Variants in CDC42EP4 observed in about 807,000 individuals in gnomAD.
CDC42EP4 encodes CDC42 effector protein 4.
A neutral mutation model predicts 5.6 loss-of-function variants in CDC42EP4; 6 were observed. That is an observed-to-expected ratio of 1.07 (90% CI 0.59 to 2.12). The LOEUF (loss-of-function observed/expected upper bound fraction) is 2.12, where lower values mean the gene tolerates loss of function less well. Ranked by LOEUF, CDC42EP4 falls within the 30% of genes most tolerant of loss-of-function variation. The probability of loss-of-function intolerance (pLI) is 0.00; values close to 1 mark genes in which losing one functional copy is unlikely to be tolerated. For missense variants in CDC42EP4, 490 were observed against 508.6 expected (o/e 0.96, Z 0.35); for synonymous variants, 230 against 224.2 (o/e 1.03, Z -0.23).
chr17:73,308,553 C>T (rs968957375), intron 1 of CDC42EP4, among the ~76,000 whole-genome samples: 1 of 152,212 alleles, frequency 6.6e-6, no homozygotes, highest in African/African-American at 2.4e-5. Flanking sequence ...TCACTTCGAA[C>T]CCAATCCAAA....
At chr17:73,294,981 G>C (rs977349073) in intron 1 of CDC42EP4, among the ~76,000 whole-genome samples, 1 of 143,010 alleles carries the variant, frequency 7.0e-6, no homozygotes, top group African/African-American at 2.5e-5. Flanking sequence ...GCTAATTTTT[G>C]TATTTTTTTT....
intron 1 of CDC42EP4, among the ~76,000 whole-genome samples, chr17:73,305,698 G>A (rs907065557): frequency 6.6e-6 from 1 of 151,790 alleles, no homozygotes; most frequent in Non-Finnish European, 1.5e-5. Flanking sequence ...TAACTCCCAA[G>A]TGCTGTGCTC....
At chr17:73,298,339 G>C (rs1270391845) in intron 1 of CDC42EP4, among the ~76,000 whole-genome samples, 3 of 152,168 alleles carry the variant, frequency 2.0e-5, no homozygotes, top group Non-Finnish European at 2.9e-5. Flanking sequence ...TCAAAAAACA[G>C]AACTCGCTCT....
At chr17:73,288,855 C>A (rs1312197630) in intron 1 of CDC42EP4, among the ~76,000 whole-genome samples, 1 of 152,226 alleles carries the variant, frequency 6.6e-6, no homozygotes, top group African/African-American at 2.4e-5. Context: ...ATCATTCCAG[C>A]AAACACAAAG....
At chr17:73,304,061 G>A (rs2062232876) in intron 1 of CDC42EP4, among the ~76,000 whole-genome samples, 1 of 152,168 alleles carries the variant, frequency 6.6e-6, no homozygotes, top group Admixed American at 6.5e-5. Flanking sequence ...CAGATAGCAA[G>A]ACTGTGTGCT....
At position 73,285,841 on chromosome 17, in the gene CDC42EP4, G is replaced by A. The variant is rs139892465; in HGVS notation, c.660C>T (p.Asp220=). The part of the protein sequence containing the change: ...HIDLGPSMLG[D]VLSIMDKEEW... ...CCTCCTTGTCCATGATGCTGAGGAC[G>A]TCACCCAGCATGGAGGGCCCCAGGT... Residue 220 remains aspartate, a synonymous_variant, in exon 2 of 2, where the codon GAC becomes GAT. Coordinates refer to ENST00000335793, the MANE Select transcript of CDC42EP4 (RefSeq NM_012121.5). This position sits in a 1 kb window ranked among gnomAD's most constrained non-coding sequence, Gnocchi z 6.8. The A allele has an allele frequency of 1.3e-5, 21 of 1,613,670 alleles. No homozygotes were observed. In the African/African-American group the frequency reaches 1.3e-4, roughly 10 times the overall value.
chr17:73,302,428 A>G (rs368467574), intron 1 of CDC42EP4, among the ~76,000 whole-genome samples: 3 of 152,164 alleles, frequency 2.0e-5, no homozygotes, highest in African/African-American at 7.2e-5. Flanking sequence ...CAAGCCACAT[A>G]AGGCTACTGA....
chr17:73,304,011 A>C (rs1298120511), intron 1 of CDC42EP4, among the ~76,000 whole-genome samples: 1 of 152,234 alleles, frequency 6.6e-6, no homozygotes, highest in Non-Finnish European at 1.5e-5. Flanking sequence ...ACTCATTATC[A>C]AGAACACTCC....
At chr17:73,292,695 C>T (rs762780286) in intron 1 of CDC42EP4, among the ~76,000 whole-genome samples, 3 of 152,160 alleles carry the variant, frequency 2.0e-5, no homozygotes, top group Non-Finnish European at 4.4e-5. Flanking sequence ...GGGTCAGAAG[C>T]GACCCAGGCA....
At chr17:73,296,256 T>TA (rs970346776) in intron 1 of CDC42EP4, among the ~76,000 whole-genome samples, 2 of 144,906 alleles carry the variant, frequency 1.4e-5, no homozygotes, top group African/African-American at 5.1e-5. Flanking sequence ...AAAAAATACA[T>TA]AAAAAAATAA....
Position 73,297,001 on chromosome 17 carries a change from A to AAC in CDC42EP4, c.-112-10390_-112-10389insGT, listed in dbSNP as rs1555741521. Among the ~76,000 whole-genome samples the AAC allele has an allele frequency of 1.5e-3, 95 of 61,774 alleles. 24 individuals carry two copies. The highest frequency in any genetic ancestry group is 0.019 in the Middle Eastern group (1 of 54). The allele number at this position is 61,774 out of a possible 152,430, so 40.5% of individuals were successfully genotyped here. On this transcript the variant is annotated intron_variant, in intron 1 of 1. Transcript: ENST00000335793. ...GTCTCAAAAAAAAAAAAAAAAAAAA[A>AAC]AAATACACAAGGCCAAGCGCCGTGG... is the stretch of plus-strand genomic sequence containing the variant.
Position 73,288,151 on chromosome 17 carries a change from C to T in CDC42EP4, c.-112-1539G>A, listed in dbSNP as rs149104645. Among the ~76,000 whole-genome samples the T allele has an allele frequency of 2.2e-3, 337 of 152,298 alleles. 2 individuals are homozygous for T. The highest frequency in any genetic ancestry group is 7.1e-3 in the African/African-American group (296 of 41,570). ...AAACCTTTAGCCACCACCTGCCCCC[C>T]ACGGCACTTTGGGAGATGTCCCCTC... On this transcript the variant is annotated intron_variant, in intron 1 of 1. Transcript: ENST00000335793.
Position 73,286,598 on chromosome 17 carries a change from G to T in CDC42EP4, c.-98C>A. The stretch of plus-strand genomic sequence containing the variant: ...TCCAGTGGGCAGAGGGGGACGCAAT[G>T]AGGAGATCATAAGGCTGCAAGCAGA... On this transcript the variant is annotated 5_prime_UTR_variant, in exon 2 of 2. It introduces an in-frame stop codon into an upstream open reading frame of the 5' UTR. Coordinates refer to ENST00000335793, the MANE Select transcript of CDC42EP4 (RefSeq NM_012121.5). The surrounding 1 kb of genome is among the most constrained non-coding windows in gnomAD (Gnocchi z 7.7). 1.2e-6 allele frequency: 1 copy of T among 826,578 alleles called. No individual in the cohort carries two copies. Among genetic ancestry groups the T allele is most frequent in the Non-Finnish European group, 1.9e-6 (1 of 539,510 alleles). The allele number at this position is 826,578 out of a possible 1,614,324, so 51.2% of individuals were successfully genotyped here. A position where few individuals can be genotyped will look rare whatever the true frequency, so the allele number is the denominator to read the frequency against.
chr17:73,296,417 CAAAAA>C (rs541518590), intron 1 of CDC42EP4, among the ~76,000 whole-genome samples: 3 of 95,824 alleles, frequency 3.1e-5, no homozygotes, highest in Admixed American at 1.2e-4. Flanking sequence ...GACTCCATCT[CAAAAA>C]AAAAAAAAAA....
chr17:73,297,803 T>C (rs556021326), intron 1 of CDC42EP4, among the ~76,000 whole-genome samples: 1 of 151,744 alleles, frequency 6.6e-6, no homozygotes, highest in Non-Finnish European at 1.5e-5. Flanking sequence ...GGATTACAGG[T>C]GCACACCATG....
At chr17:73,306,541 C>G (rs183123932) in intron 1 of CDC42EP4, among the ~76,000 whole-genome samples, 161 of 152,184 alleles carry the variant, frequency 1.1e-3, no homozygotes, top group African/African-American at 3.6e-3. Context: ...TATGATCAAC[C>G]CCCAATAAAA....
intron 1 of CDC42EP4, among the ~76,000 whole-genome samples, chr17:73,306,188 CT>C (rs2062243484): frequency 1.3e-5 from 2 of 152,062 alleles, no homozygotes. Flanking sequence ...CCGGGTGCTA[CT>C]AGCAACAAAT....
Position 73,286,093 on chromosome 17 carries a change from G to A in CDC42EP4, c.408C>T (p.Pro136=), listed in dbSNP as rs899677079. ...TCACGGGGCTGGATGACAGGCTCTT[G>A]GGCAGCTTACTGGTGCCCTTCTCCG... ...EAAEKGTSKL[P]KSLSSSPVKK... The change falls in exon 2 of 2, where the codon CCC becomes CCT. Residue 136 remains proline (P), a synonymous_variant. Transcript: ENST00000335793. This position sits in a 1 kb window ranked among gnomAD's most constrained non-coding sequence, Gnocchi z 7.7. 3.7e-6 allele frequency: 6 copies of A among 1,613,840 alleles called. No homozygotes were observed. The highest frequency in any genetic ancestry group is 5.1e-6 in the Non-Finnish European group (6 of 1,180,026).
At chr17:73,290,142 G>T (rs2062154879) in intron 1 of CDC42EP4, among the ~76,000 whole-genome samples, 2 of 152,218 alleles carry the variant, frequency 1.3e-5, no homozygotes, top group South Asian at 4.1e-4. Flanking sequence ...AACTGGAGGG[G>T]ATATTCAGTG....
Sources: allele counts gnomAD v4.1 joint callset (sites outside exome capture counted in the v4.1 genomes callset), GRCh38; gene constraint gnomAD v4.1.1; non-coding constraint Gnocchi (gnomAD v3.1); transcripts MANE v1.5; gene names NCBI Gene and HGNC (gene_info 2026-07-23, HGNC 2026-07-21).